Variants in DENND4A observed in about 807,000 individuals in gnomAD.
DENND4A encodes DENN domain containing 4A.
In DENND4A, 70 loss-of-function variants were observed where a neutral mutation model predicts 199.3. The observed-to-expected ratio is 0.35, with a 90% confidence interval of 0.29 to 0.43. DENND4A has a LOEUF of 0.43. Ranked by LOEUF, DENND4A falls within the 20% of genes least tolerant of loss-of-function variation. DENND4A has a pLI of 1.00. For synonymous variants in DENND4A, 686 were observed against 766.9 expected (o/e 0.89, Z 1.74); for missense variants, 1,723 against 2,255.8 (o/e 0.76, Z 4.78).
At chr15:65,784,706 G>T (rs910945247) in intron 1 of DENND4A, among the ~76,000 whole-genome samples, 5 of 152,078 alleles carry the variant, frequency 3.3e-5, no homozygotes, top group African/African-American at 1.2e-4. Flanking sequence ...TACTGTATGT[G>T]TAAGTGCCTA....
intron 2 of DENND4A, among the ~76,000 whole-genome samples, chr15:65,760,404 A>C (rs1483008494): frequency 6.6e-6 from 1 of 152,164 alleles, no homozygotes. Context: ...AGGCTGAGGC[A>C]GGGGAATTGC....
chr15:65,664,344 T>C lies in DENND4A; in HGVS notation c.5573A>G (p.Glu1858Gly). 1 of 1,591,944 alleles carries C rather than the reference T, an allele frequency of 6.3e-7. No individual in the cohort carries two copies. Among genetic ancestry groups the C allele is most frequent in the Non-Finnish European group, 8.6e-7 (1 of 1,165,234 alleles). The change falls in exon 32 of 33, where the codon GAA becomes GGA. Residue 1858 changes from glutamate to glycine, a missense_variant. Physicochemically the swap from Glu to Gly is moderately conservative, Grantham distance 98 (BLOSUM62 -2). This residue lies in a region of DENND4A where 164 missense variants were observed against 280.1 expected (regional missense o/e 0.59). Coordinates refer to ENST00000443035, the MANE Select transcript of DENND4A (RefSeq NM_001320835.1). ...AGCTAAATTACCTATATCAATGTTT[T>C]CTCTTCCCAGTGCCACAAGTGAGAG... is the stretch of plus-strand genomic sequence containing the variant. ...LFLSLVALGR[E>G]NIDIDAFDKE... is the part of the protein sequence containing the mutation.
At chr15:65,701,316 C>T (rs2074860096) in intron 18 of DENND4A, 124 bp from the exon 19 acceptor site, 2 of 817,968 alleles carry the variant, frequency 2.4e-6, no homozygotes, top group Admixed American at 3.7e-5. Context: ...CCTGTAATCC[C>T]AGCAATTTGG....
chr15:65,745,955 G>A (rs1229613160), intron 4 of DENND4A, among the ~76,000 whole-genome samples: 3 of 151,370 alleles, frequency 2.0e-5, no homozygotes, highest in Admixed American at 1.3e-4. Flanking sequence ...CCAACATGGT[G>A]AAACCCCGTC....
chr15:65,778,108 C>A (rs1206777908), intron 1 of DENND4A, among the ~76,000 whole-genome samples: 2 of 152,024 alleles, frequency 1.3e-5, no homozygotes. Flanking sequence ...CACCAAACAG[C>A]AGTTTCAAAC....
At chr15:65,707,247 A>C (rs1255683280) in intron 14 of DENND4A, among the ~76,000 whole-genome samples, 4 of 152,124 alleles carry the variant, frequency 2.6e-5, no homozygotes, top group African/African-American at 9.6e-5. Flanking sequence ...AAGAGCTCAT[A>C]AACTAAAAAG....
intron 1 of DENND4A, among the ~76,000 whole-genome samples, chr15:65,790,045 T>C (rs2077673430): frequency 6.6e-6 from 1 of 152,204 alleles, no homozygotes; most frequent in African/African-American, 2.4e-5. Flanking sequence ...CCCAGCTACT[T>C]TTATTTTACA....
chr15:65,723,787 G>GCT (rs927722148), intron 11 of DENND4A, among the ~76,000 whole-genome samples: 1 of 151,982 alleles, frequency 6.6e-6, no homozygotes, highest in Admixed American at 6.6e-5. Flanking sequence ...GTGAACGTGG[G>GCT]CTCTCTCTCT....
intron 14 of DENND4A, among the ~76,000 whole-genome samples, chr15:65,709,154 C>T (rs2075153733): frequency 6.6e-6 from 1 of 152,144 alleles, no homozygotes; most frequent in African/African-American, 2.4e-5. Flanking sequence ...GATTTGTTCA[C>T]TTAAAAACTT....
intron 7 of DENND4A, among the ~76,000 whole-genome samples, chr15:65,736,628 C>G (rs1022138487): frequency 1.3e-5 from 2 of 151,978 alleles, no homozygotes; most frequent in Non-Finnish European, 2.9e-5. Flanking sequence ...TGCAAATAAC[C>G]TGTAAGAAAC....
At chr15:65,788,077 A>ATT (rs201917436) in intron 1 of DENND4A, among the ~76,000 whole-genome samples, 5 of 149,568 alleles carry the variant, frequency 3.3e-5, no homozygotes, top group Admixed American at 1.3e-4. Flanking sequence ...TTATTTATTT[A>ATT]TTTATTTTTT....
At position 65,683,349 on chromosome 15, in the gene DENND4A, G is replaced by A. The variant is rs147308001; in HGVS notation, c.4180-6715C>T. On this transcript the variant is annotated intron_variant, in intron 23 of 32. Transcript: ENST00000443035. ...TAAAGAATCAGCTTTTGGTTTTATTGATATTCTTATGCTTTCCATCTTTTC... is the reference window on the plus strand; with the variant it reads ...TAAAGAATCAGCTTTTGGTTTTATTAATATTCTTATGCTTTCCATCTTTTC... Among the ~76,000 whole-genome samples the A allele has an allele frequency of 6.4e-3, 974 of 152,248 alleles. 10 individuals are homozygous for A. Among genetic ancestry groups the A allele is most frequent in the African/African-American group, 0.023 (935 of 41,550 alleles).
intron 4 of DENND4A, among the ~76,000 whole-genome samples, chr15:65,746,595 A>G (rs1479502910): frequency 2.0e-5 from 3 of 151,400 alleles, no homozygotes; most frequent in Non-Finnish European, 4.4e-5. Context: ...CATGTTGGCC[A>G]GGCTGGTCAC....
At chr15:65,694,971 A>G (rs955028682) in intron 22 of DENND4A, among the ~76,000 whole-genome samples, 6 of 152,238 alleles carry the variant, frequency 3.9e-5, no homozygotes, top group Non-Finnish European at 1.5e-5. Flanking sequence ...GAGGGCAAGC[A>G]TGAACAGACA....
rs146307481 is a variant in DENND4A, at chr15:65,697,077, G to C, written c.2950+190C>G. 2,136 of 476,232 alleles carry C rather than the reference G, an allele frequency of 4.5e-3. 23 individuals are homozygous for C. The highest frequency in any genetic ancestry group is 0.038 in the African/African-American group (1,857 of 49,516). 29.5% of individuals were successfully genotyped at this position (476,232 alleles called of 1,614,324 possible). ...TTGATTTGGGAAGTGTTTTGCCACT[G>C]AGGCTATATACTTCATACATAAAGC... On this transcript the variant is annotated intron_variant, in intron 21 of 32. Coordinates refer to ENST00000443035, the MANE Select transcript of DENND4A (RefSeq NM_001320835.1).
intron 1 of DENND4A, among the ~76,000 whole-genome samples, chr15:65,790,015 C>T (rs576992358): frequency 7.6e-4 from 116 of 152,202 alleles, no homozygotes; most frequent in Non-Finnish European, 1.2e-3. Context: ...TAGCCAAGCA[C>T]GGTGGTGCAC....
intron 24 of DENND4A, among the ~76,000 whole-genome samples, chr15:65,672,612 CAA>C (rs775360241): frequency 3.9e-4 from 46 of 117,110 alleles, no homozygotes; most frequent in Non-Finnish European, 4.0e-4. Context: ...ATCCTGACTC[CAA>C]AAAAAAAAAA....
At chr15:65,719,576 C>G (rs745886192) in intron 12 of DENND4A, among the ~76,000 whole-genome samples, 13 of 152,216 alleles carry the variant, frequency 8.5e-5, no homozygotes, top group Non-Finnish European at 8.8e-5. Context: ...AGCATCACTT[C>G]TGTGATATTC....
At chr15:65,668,249 C>T in intron 27 of DENND4A, 126 bp from the exon 28 acceptor site, 2 of 734,038 alleles carry the variant, frequency 2.7e-6, no homozygotes, top group Middle Eastern at 4.1e-4. Context: ...TGCTCTGTCA[C>T]CCAGGCTGGA....
Sources: gnomAD v4.1 joint callset for allele counts (sites outside exome capture counted in the v4.1 genomes callset) on GRCh38, gnomAD v4.1.1 for gene constraint, gnomAD v4.1.1 regional missense constraint, MANE v1.5 for transcripts, NCBI Gene and HGNC (gene_info 2026-07-23, HGNC 2026-07-21) for gene names.